Variants in TDP1 observed in about 807,000 individuals in gnomAD.
TDP1 encodes the protein tyr-DNA phosphodiesterase 1.
Under a neutral mutation model 81.5 loss-of-function variants are expected in TDP1, and 64 were observed. That is an observed-to-expected ratio of 0.79 (90% CI 0.64 to 0.97). TDP1 has a LOEUF of 0.97. Ranked by LOEUF, TDP1 falls within the 50% of genes least tolerant of loss-of-function variation. The pLI, the probability that TDP1 is intolerant of heterozygous loss-of-function variation, is 0.00. For missense variants in TDP1, 723 were observed against 743.8 expected, an observed-to-expected ratio of 0.97 and a Z score of 0.33; for synonymous variants, 256 against 264.3, an observed-to-expected ratio of 0.97 and a Z score of 0.30.
At chr14:89,964,825 C>G in intron 3 of TDP1, 1 of 432,706 alleles carries the variant, frequency 2.3e-6, no homozygotes, top group Non-Finnish European at 4.6e-6. Context: ...GGAGCTCTTA[C>G]ATATATTTTC....
intron 15 of TDP1, among the ~76,000 whole-genome samples, chr14:90,029,146 T>C (rs1272073209): frequency 6.6e-6 from 1 of 151,996 alleles, no homozygotes; most frequent in African/African-American, 2.4e-5. Flanking sequence ...GTGGAAGGAA[T>C]GTAGGACCAA....
At chr14:90,004,049 T>C (rs957240526) in intron 14 of TDP1, among the ~76,000 whole-genome samples, 3 of 152,196 alleles carry the variant, frequency 2.0e-5, no homozygotes, top group African/African-American at 4.8e-5. Flanking sequence ...GCTGGTATGC[T>C]TCATGTGCTT....
chr14:89,988,951 C>A lies in TDP1; in HGVS notation c.1178C>A (p.Pro393His), dbSNP rs756869320. Residue 393 changes from proline to histidine, a missense_variant, in exon 11 of 17, where the codon CCT (proline) becomes CAT (histidine). Pro to His is a moderately conservative substitution (Grantham distance 77). Transcript: ENST00000335725. ...ASSMPNAESW[P>H]VVGQFSSVGS... ...TCCATGCCTAACGCAGAGTCCTGGCCTGTCGTAGGTCAGTTTTCAAGCGTT... is the reference window on the plus strand; with the variant it reads ...TCCATGCCTAACGCAGAGTCCTGGCATGTCGTAGGTCAGTTTTCAAGCGTT... The A allele has an allele frequency of 6.2e-7, 1 of 1,614,186 alleles. No homozygotes were observed. Among genetic ancestry groups the A allele is most frequent in the Admixed American group, 1.7e-5 (1 of 60,022 alleles).
At chr14:89,984,097 C>A (rs1305800924) in intron 8 of TDP1, 3 of 985,044 alleles carry the variant, frequency 3.0e-6, no homozygotes, top group Non-Finnish European at 2.4e-6. Flanking sequence ...CAGACAAGGG[C>A]AAATTCTTGC....
At chr14:89,970,830 A>C in intron 5 of TDP1, 5 of 791,094 alleles carry the variant, frequency 6.3e-6, no homozygotes, top group Non-Finnish European at 7.6e-6. Context: ...TATTTTAATT[A>C]ATTTATTTAT....
chr14:90,006,683 C>T (rs1897723628), intron 14 of TDP1, among the ~76,000 whole-genome samples: 1 of 152,038 alleles, frequency 6.6e-6, no homozygotes, highest in African/African-American at 2.4e-5. Context: ...ATTACAGGTG[C>T]CCGCGACCAA....
At chr14:89,977,779 C>T (rs1894526816) in intron 7 of TDP1, among the ~76,000 whole-genome samples, 1 of 152,188 alleles carries the variant, frequency 6.6e-6, no homozygotes, top group Non-Finnish European at 1.5e-5. Context: ...TTCCCCACCT[C>T]ACAGGGTAGA....
Position 90,043,346 on chromosome 14 carries a change from C to A in TDP1, c.*203C>A. 1 of 647,400 alleles carries A rather than the reference C, an allele frequency of 1.5e-6. No homozygotes were observed. The highest frequency in any genetic ancestry group is 2.6e-6 in the Non-Finnish European group (1 of 377,488). 40.1% of individuals were successfully genotyped at this position (647,400 alleles called of 1,614,324 possible). ...AATAAAGTATTAGTTTCTTAATTCA[C>A]TTTTATATGTTTTGGAAAGAAAATT... is the stretch of plus-strand genomic sequence containing the variant. On this transcript the variant is annotated 3_prime_UTR_variant, in exon 17 of 17. Transcript: ENST00000335725.
intron 14 of TDP1, among the ~76,000 whole-genome samples, chr14:90,015,029 AG>A (rs1349885570): frequency 6.6e-6 from 1 of 152,138 alleles, no homozygotes; most frequent in African/African-American, 2.4e-5. Context: ...ACATCACTGG[AG>A]GGGAACACTC....
At chr14:90,041,405 A>G (rs1888340225) in intron 16 of TDP1, among the ~76,000 whole-genome samples, 2 of 152,248 alleles carry the variant, frequency 1.3e-5, no homozygotes, top group Admixed American at 1.3e-4. Context: ...CCAAAGCCAG[A>G]GACAGACAAA....
intron 2 of TDP1, among the ~76,000 whole-genome samples, chr14:89,959,339 T>G (rs1892055342): frequency 6.6e-6 from 1 of 152,238 alleles, no homozygotes; most frequent in Admixed American, 6.5e-5. Context: ...TACAAAGCAC[T>G]CTGAAATGCT....
intron 14 of TDP1, among the ~76,000 whole-genome samples, chr14:90,010,345 A>G (rs1384801319): frequency 1.3e-5 from 2 of 152,244 alleles, no homozygotes; most frequent in African/African-American, 4.8e-5. Context: ...AACATTTGCA[A>G]CATAATTGTA....
At chr14:89,980,390 A>G in intron 7 of TDP1, 150 bp from the exon 8 acceptor site, 1 of 1,413,088 alleles carries the variant, frequency 7.1e-7, no homozygotes, top group Non-Finnish European at 9.5e-7. Flanking sequence ...CATCATGGTA[A>G]TGTATAGAAG....
chr14:89,959,815 G>A (rs1892117004), intron 2 of TDP1, among the ~76,000 whole-genome samples: 1 of 152,066 alleles, frequency 6.6e-6, no homozygotes, highest in South Asian at 2.1e-4. Context: ...TTTTACCTTA[G>A]CAACTCTTAG....
At chr14:90,012,156 C>A (rs1884786046) in intron 14 of TDP1, among the ~76,000 whole-genome samples, 1 of 152,142 alleles carries the variant, frequency 6.6e-6, no homozygotes, top group Admixed American at 6.5e-5. Flanking sequence ...GCCTTGGTGG[C>A]TTACACATTG....
At chr14:90,009,960 A>C (rs1313256759) in intron 14 of TDP1, among the ~76,000 whole-genome samples, 1 of 152,242 alleles carries the variant, frequency 6.6e-6, no homozygotes, top group Non-Finnish European at 1.5e-5. Context: ...ACCTTAGCCT[A>C]TCTTAGGACA....
chr14:89,988,149 CAG>C (rs1895777746), intron 10 of TDP1, among the ~76,000 whole-genome samples: 1 of 152,202 alleles, frequency 6.6e-6, no homozygotes, highest in Non-Finnish European at 1.5e-5. Context: ...GGAAGGGGCA[CAG>C]AGCTTTCATG....
At chr14:89,968,492 A>G (rs28539518) in intron 5 of TDP1, among the ~76,000 whole-genome samples, 36,242 of 152,208 alleles carry the variant, frequency 0.24, 10,971 homozygotes, top group African/African-American at 0.71. Context: ...AGCTATGCCC[A>G]TCTAAGCAGC....
intron 14 of TDP1, among the ~76,000 whole-genome samples, chr14:89,998,375 TATA>T (rs1896832979): frequency 2.9e-3 from 12 of 4,154 alleles, no homozygotes; most frequent in Admixed American, 0.01. Flanking sequence ...AAGCACATTA[TATA>T]TATATATATA....
Sources: allele counts gnomAD v4.1 joint callset (sites outside exome capture counted in the v4.1 genomes callset), GRCh38; gene constraint gnomAD v4.1.1; transcripts MANE v1.5; gene names NCBI Gene and HGNC (gene_info 2026-07-23, HGNC 2026-07-21).